PHIP: variants seen among roughly 807,000 people sequenced by gnomAD.
PHIP encodes PH-interacting protein.
PHIP carries 54 observed loss-of-function variants against 236.8 expected under a neutral mutation model. The observed-to-expected ratio is 0.23, with a 90% CI of 0.18 to 0.29. The LOEUF (loss-of-function observed/expected upper bound fraction) is 0.29, where lower values mean the gene tolerates loss of function less well. Among genes scored for constraint, PHIP ranks in the 10% least tolerant of loss-of-function variants. PHIP has a pLI of 1.00. For missense variants in PHIP, 1,370 were observed against 2,190.8 expected, an observed-to-expected ratio of 0.63 and a Z score of 7.48; for synonymous variants, 756 against 718.9, an observed-to-expected ratio of 1.05 and a Z score of -0.83.
intron 13 of PHIP, 127 bp downstream of exon 13, chr6:79,016,417 T>C (rs1009179925): frequency 2.1e-6 from 1 of 469,420 alleles, no homozygotes; most frequent in African/African-American, 2.0e-5. Flanking sequence ...ATTGTACCTC[T>C]AGTTATCGCA....
chr6:79,006,175 T>C (rs1323606344), intron 15 of PHIP, among the ~76,000 whole-genome samples: 1 of 152,030 alleles, frequency 6.6e-6, no homozygotes, highest in Non-Finnish European at 1.5e-5. Flanking sequence ...TAAAAGAATC[T>C]GCTTTACTCA....
intron 9 of PHIP, among the ~76,000 whole-genome samples, chr6:79,022,295 T>C (rs1771158503): frequency 6.6e-6 from 1 of 152,174 alleles, no homozygotes; most frequent in African/African-American, 2.4e-5. Flanking sequence ...AAGTGCTTAG[T>C]ACAATGTCCA....
chr6:78,955,708 G>C (rs756186742), intron 32 of PHIP, 26 bp from the exon 33 acceptor site: 6 of 752,432 alleles, frequency 8.0e-6, no homozygotes, highest in African/African-American at 1.8e-5. Context: ...ATGTTAACAT[G>C]TAAGATTAGA....
intron 6 of PHIP, among the ~76,000 whole-genome samples, chr6:79,058,080 A>G (rs1474645031): frequency 6.6e-6 from 1 of 152,122 alleles, no homozygotes; most frequent in Non-Finnish European, 1.5e-5. Context: ...TGTTTCTTAA[A>G]ATAAAGCAAA....
chr6:79,072,835 TG>T, intron 4 of PHIP, among the ~76,000 whole-genome samples: 1 of 152,306 alleles, frequency 6.6e-6, no homozygotes, highest in East Asian at 1.9e-4. Context: ...TACTTGTGCC[TG>T]GAATAAAAAT....
Position 79,015,875 on chromosome 6 carries a change from T to C in PHIP, c.1236-92A>G. On this transcript the variant is annotated intron_variant, in intron 13 of 39. Coordinates refer to ENST00000275034, the MANE Select transcript of PHIP (RefSeq NM_017934.7). ...ATCTATAATTAGTATTTATATTCACTAACATAATAACTATCACTTAACAGT... is the reference window on the plus strand; with the variant it reads ...ATCTATAATTAGTATTTATATTCACCAACATAATAACTATCACTTAACAGT... 4.0e-6 allele frequency: 3 copies of C among 746,142 alleles called. No homozygotes were observed. In the South Asian group the frequency reaches 6.2e-5, roughly 15 times the overall value. 46.2% of individuals were successfully genotyped at this position (746,142 alleles called of 1,614,324 possible).
At chr6:78,974,593 T>C (rs1767899667) in intron 24 of PHIP, among the ~76,000 whole-genome samples, 1 of 151,964 alleles carries the variant, frequency 6.6e-6, no homozygotes, top group Non-Finnish European at 1.5e-5. Context: ...CAGGAGCTGG[T>C]TTTTTGAAAG....
intron 4 of PHIP, among the ~76,000 whole-genome samples, 162 bp from the exon 5 acceptor site, chr6:79,060,980 T>C (rs1038461244): frequency 6.6e-6 from 1 of 152,042 alleles, no homozygotes; most frequent in Non-Finnish European, 1.5e-5. Flanking sequence ...AACTGATAGT[T>C]TGTTATTAAA....
intron 24 of PHIP, among the ~76,000 whole-genome samples, chr6:78,976,164 G>T (rs1253720638): frequency 2.9e-3 from 430 of 148,820 alleles, no homozygotes; most frequent in African/African-American, 9.9e-3. Context: ...ATGGTACTGG[G>T]ACCAAAACAG....
chr6:78,958,620 G>T lies in PHIP; in HGVS notation c.3657-20C>A. On this transcript the variant is annotated intron_variant, in intron 31 of 39. Transcript: ENST00000275034. The stretch of plus-strand genomic sequence containing the variant: ...ACCCGCCTTAAAAAAACAAAATATA[G>T]AAGTTTTAACTTCCTTATATTTAGA... 6.8e-7 allele frequency: 1 copy of T among 1,473,054 alleles called. No homozygotes were observed. The highest frequency in any genetic ancestry group is 2.3e-5 in the East Asian group (1 of 44,018). 91.2% of individuals were successfully genotyped at this position (1,473,054 alleles called of 1,614,324 possible).
rs749143866 is a variant in PHIP, at chr6:78,939,124, A to C, written c.*1569T>G. 2 of 151,730 alleles carry C rather than the reference A, an allele frequency of 1.3e-5. No individual in the cohort carries two copies. The highest frequency in any genetic ancestry group is 3.0e-5 in the Non-Finnish European group (2 of 67,718). The allele number at this position is 151,730 out of a possible 1,614,324, so 9.4% of individuals were successfully genotyped here. A position where few individuals can be genotyped will look rare whatever the true frequency, so the allele number is the denominator to read the frequency against. ...TAATTTTTAAACAATAGAAATGGTA[A>C]GTATGTTGGTTTTTAAGGTATAAAA... On this transcript the variant is annotated 3_prime_UTR_variant, in exon 40 of 40. Coordinates refer to ENST00000275034, the MANE Select transcript of PHIP (RefSeq NM_017934.7).
chr6:79,016,728 G>T, intron 12 of PHIP, 86 bp from the exon 13 acceptor site: 1 of 788,804 alleles, frequency 1.3e-6, no homozygotes, highest in Non-Finnish European at 2.1e-6. Context: ...TGTTTAAAAA[G>T]ACAGCATTCA....
chr6:79,048,922 C>T (rs1004835643), intron 6 of PHIP, among the ~76,000 whole-genome samples: 4 of 152,132 alleles, frequency 2.6e-5, no homozygotes, highest in Admixed American at 1.3e-4. Context: ...TGAGGAGGCA[C>T]AAGAATATGT....
At position 79,050,825 on chromosome 6, in the gene PHIP, C is replaced by T. The variant is rs114478062; in HGVS notation, c.440-7822G>A. 4.3e-3 allele frequency among the ~76,000 whole-genome samples: 658 copies of T among 152,124 alleles called. 2 individuals carry two copies. The highest frequency in any genetic ancestry group is 0.014 in the African/African-American group (597 of 41,498). ...TTACAGTGTATGAATGTATATTATG[C>T]TATAGAGAATGACAATTGCGTATTT... On this transcript the variant is annotated intron_variant, in intron 6 of 39. Coordinates refer to ENST00000275034, the MANE Select transcript of PHIP (RefSeq NM_017934.7).
chr6:79,024,863 G>A (rs569148965), intron 9 of PHIP, among the ~76,000 whole-genome samples: 1 of 152,228 alleles, frequency 6.6e-6, no homozygotes, highest in African/African-American at 2.4e-5. Flanking sequence ...TCAAAGGGCA[G>A]AGAAGTGCTC....
intron 38 of PHIP, 53 bp downstream of exon 38, chr6:78,945,948 G>C (rs796526228): frequency 7.4e-6 from 10 of 1,346,964 alleles, no homozygotes; most frequent in Middle Eastern, 1.9e-4. Context: ...CAAAGTAAAA[G>C]CTTAAATTAA....
At position 79,019,100 on chromosome 6, in the gene PHIP, G is replaced by C; in HGVS notation, c.983C>G (p.Ser328Cys). 6.2e-7 allele frequency: 1 copy of C among 1,611,968 alleles called. No homozygotes were observed. The highest frequency in any genetic ancestry group is 1.1e-5 in the South Asian group (1 of 91,004). The change falls in exon 10 of 40, where the codon TCT (serine) becomes TGT (cysteine). Residue 328 changes from serine (S) to cysteine (C), a missense_variant. Ser to Cys is a moderately radical substitution (Grantham distance 112). Coordinates refer to ENST00000275034, the MANE Select transcript of PHIP (RefSeq NM_017934.7). ...PRPGVQMICS[S>C]FSAGGMFLAT... ...TGAGGGAAACTTACCAGCACTAAAA[G>C]AAGAACAGATCATTTGAACTCCAGG...
At chr6:79,050,251 C>T (rs889294346) in intron 6 of PHIP, among the ~76,000 whole-genome samples, 2 of 152,096 alleles carry the variant, frequency 1.3e-5, no homozygotes, top group African/African-American at 2.4e-5. Context: ...TAGAGAATAA[C>T]AGCTAGTATT....
intron 8 of PHIP, 128 bp from the exon 9 acceptor site, chr6:79,025,747 GTTAT>G (rs1771369890): frequency 2.8e-6 from 2 of 715,534 alleles, no homozygotes; most frequent in Non-Finnish European, 4.8e-6. Context: ...CCAAGGTTAT[GTTAT>G]TTAAAGTCCA....
Sources: allele counts gnomAD v4.1 joint callset (sites outside exome capture counted in the v4.1 genomes callset), GRCh38; gene constraint gnomAD v4.1.1; transcripts MANE v1.5; gene names NCBI Gene and HGNC (gene_info 2026-07-23, HGNC 2026-07-21).